The following DMD variants were observed in gnomAD, a reference collection of about 807,000 sequenced individuals.
DMD encodes mutant dystrophin.
Under a neutral mutation model 330.1 loss-of-function variants are expected in DMD, and 63 were observed. The observed-to-expected ratio is 0.19, with a 90% CI of 0.16 to 0.24. The LOEUF is 0.24. DMD is among the 10% of genes least tolerant of loss of function. The pLI, the probability that DMD is intolerant of heterozygous loss-of-function variation, is 1.00. For missense variants in DMD, 3,344 were observed against 2,684.1 expected, an observed-to-expected ratio of 1.25 and a Z score of -5.43; for synonymous variants, 1,223 against 959.8, an observed-to-expected ratio of 1.27 and a Z score of -5.07.
In DMD at chrX:31,464,550, G is replaced by A. The variant is rs141094238; in HGVS notation, c.8937+13556C>T. Reference sequence around the variant, plus strand: ...TTTCATAACAGTCAAAAAAGGAAGCGTTTTGAATGCCATCAACTCATTTCC... The same window carrying A: ...TTTCATAACAGTCAAAAAAGGAAGCATTTTGAATGCCATCAACTCATTTCC... On this transcript the variant is annotated intron_variant, in intron 59 of 78. Coordinates refer to ENST00000357033, the MANE Select transcript of DMD (RefSeq NM_004006.3). 1.9e-3 allele frequency among the ~76,000 whole-genome samples: 216 copies of A among 112,255 alleles called. 1 individual carries two copies. The highest frequency in any genetic ancestry group is 1.7e-3 in the Non-Finnish European group (89 of 53,204).
chrX:33,308,806 T>A (rs942037826), intron 1 of DMD, among the ~76,000 whole-genome samples: 1 of 112,097 alleles, frequency 8.9e-6, no homozygotes, highest in Non-Finnish European at 1.9e-5. Flanking sequence ...ACTGCAAGAC[T>A]ATCACATGTA....
chrX:32,537,815 C>T, intron 17 of DMD, among the ~76,000 whole-genome samples: 1 of 112,414 alleles, frequency 8.9e-6, no homozygotes, highest in Non-Finnish European at 1.9e-5. Context: ...TATGTAACAG[C>T]TCTGGGAATG....
intron 29 of DMD, among the ~76,000 whole-genome samples, chrX:32,416,523 T>G (rs1005254870): frequency 8.9e-6 from 1 of 111,977 alleles, no homozygotes; most frequent in Non-Finnish European, 1.9e-5. Context: ...ATGAGTGATT[T>G]TAGTAGTAAA....
intron 11 of DMD, among the ~76,000 whole-genome samples, chrX:32,643,860 A>G (rs1465861870): frequency 8.9e-6 from 1 of 111,957 alleles, no homozygotes; most frequent in Non-Finnish European, 1.9e-5. Context: ...TTGGAGGAAA[A>G]CCTAGAAAAT....
rs1569220076 is a variant in DMD at position 31,679,285 on chromosome X, T to C, written c.7872+90A>G. On this transcript the variant is annotated intron_variant, in intron 53 of 78. Transcript: ENST00000357033. ...TAACGTGATTTTCTGTTAATAACTT[T>C]ACATTAAACATCATTAAATTACAAT... 5 of 818,512 alleles carry C rather than the reference T, an allele frequency of 6.1e-6. No homozygotes were observed. The Admixed American group carries it at 1.4e-4, about 22-fold the overall frequency. 67.5% of individuals were successfully genotyped at this position (818,512 alleles called of 1,213,427 possible). A position where few individuals can be genotyped will look rare whatever the true frequency, so the allele number is the denominator to read the frequency against.
chrX:31,313,187 CTTTGT>C (rs1386636123), intron 62 of DMD, among the ~76,000 whole-genome samples: 1 of 105,601 alleles, frequency 9.5e-6, no homozygotes, highest in Non-Finnish European at 1.9e-5. Context: ...AAAAGAAATA[CTTTGT>C]TTTCTCAGCC....
chrX:31,563,980 C>T (rs191003126), intron 55 of DMD, among the ~76,000 whole-genome samples: 2 of 111,110 alleles, frequency 1.8e-5, no homozygotes, highest in East Asian at 5.6e-4. Flanking sequence ...GGGCCTGAGT[C>T]CAATATGACT....
At chrX:31,341,878 TGCGTGCGCGC>T (rs1395603984) in intron 61 of DMD, among the ~76,000 whole-genome samples, 4 of 67,994 alleles carry the variant, frequency 5.9e-5, no homozygotes, top group African/African-American at 2.6e-4. Context: ...CGTGCGCGCG[TGCGTGCGCGC>T]GCGCACACAC....
chrX:32,314,835 G>A lies in DMD; in HGVS notation c.5923-4559C>T, dbSNP rs375468380. Among the ~76,000 whole-genome samples, 3 of 111,679 alleles carry A rather than the reference G, an allele frequency of 2.7e-5. No individual in the cohort carries two copies. The East Asian group carries it at 8.5e-4, about 32-fold the overall frequency. ...GAGAAATGCAAGTCAAAACCACAAC[G>A]AGATAGCATCTCACACCAGTTAGAA... is the stretch of plus-strand genomic sequence containing the variant. On this transcript the variant is annotated intron_variant, in intron 41 of 78. Transcript: ENST00000357033.
intron 73 of DMD, among the ~76,000 whole-genome samples, chrX:31,171,546 C>T (rs189121106): frequency 5.4e-5 from 6 of 111,658 alleles, no homozygotes; most frequent in African/African-American, 1.9e-4. Flanking sequence ...GTTATTTATT[C>T]ACTTGGCAAA....
intron 62 of DMD, among the ~76,000 whole-genome samples, chrX:31,316,266 T>C: frequency 8.9e-6 from 1 of 112,280 alleles, no homozygotes; most frequent in Non-Finnish European, 1.9e-5. Flanking sequence ...AAATCTAAAT[T>C]GACACACAAA....
intron 1 of DMD, among the ~76,000 whole-genome samples, chrX:33,265,324 A>C (rs1006434363): frequency 7.2e-5 from 8 of 111,137 alleles, no homozygotes; most frequent in Admixed American, 3.8e-4. Flanking sequence ...CCAAAAGTCA[A>C]AAGATGCCAT....
chrX:32,467,043 C>A (rs1382546961), intron 23 of DMD, among the ~76,000 whole-genome samples: 2 of 112,003 alleles, frequency 1.8e-5, no homozygotes, highest in African/African-American at 6.5e-5. Flanking sequence ...TCTTAGGCCA[C>A]TGGTCTTGAC....
intron 54 of DMD, among the ~76,000 whole-genome samples, chrX:31,654,376 C>T (rs964335004): frequency 8.9e-6 from 1 of 111,893 alleles, no homozygotes; most frequent in Non-Finnish European, 1.9e-5. Context: ...AAACTTTCCA[C>T]AGAATCCCTC....
chrX:32,182,663 T>C (rs2096931366), intron 44 of DMD, among the ~76,000 whole-genome samples: 3 of 112,039 alleles, frequency 2.7e-5, no homozygotes, highest in South Asian at 3.7e-4. Context: ...TAACAGTGTC[T>C]AACACATTTT....
At chrX:33,262,685 T>C (rs189287679) in intron 1 of DMD, among the ~76,000 whole-genome samples, 59 of 110,833 alleles carry the variant, frequency 5.3e-4, no homozygotes, top group African/African-American at 1.8e-3. Flanking sequence ...TACAGGTGAA[T>C]AGAGAAAAGG....
At chrX:33,066,696 C>T (rs965405615) in intron 1 of DMD, among the ~76,000 whole-genome samples, 1 of 110,325 alleles carries the variant, frequency 9.1e-6, no homozygotes, top group Non-Finnish European at 1.9e-5. Flanking sequence ...TAAAGTTCTG[C>T]CAGGTTTATG....
At position 32,964,255 on chromosome X, in the gene DMD, C is replaced by CAAAAAAAAAAAA. The variant is rs781702491; in HGVS notation, c.93+55872_93+55883dup. Among the ~76,000 whole-genome samples the CAAAAAAAAAAAA allele has an allele frequency of 4.9e-3, 174 of 35,160 alleles. 8 individuals are homozygous for CAAAAAAAAAAAA. The highest frequency in any genetic ancestry group is 0.018 in the East Asian group (17 of 969). The allele number at this position is 35,160 out of a possible 115,157, so 30.5% of individuals were successfully genotyped here. A position where few individuals can be genotyped will look rare whatever the true frequency, so the allele number is the denominator to read the frequency against. On this transcript the variant is annotated intron_variant, in intron 2 of 78. Coordinates refer to ENST00000357033, the MANE Select transcript of DMD (RefSeq NM_004006.3). The stretch of plus-strand genomic sequence containing the variant: ...CTGGTGACAGAGCAAGACTCCATCT[C>CAAAAAAAAAAAA]AAAAAAAAAAAAAAAAAAAATTCAC...
intron 1 of DMD, among the ~76,000 whole-genome samples, chrX:33,189,498 T>G (rs998615987): frequency 9.0e-6 from 1 of 111,221 alleles, no homozygotes; most frequent in African/African-American, 3.3e-5. Flanking sequence ...CAATGGAGAT[T>G]GGTGAGAGGG....
Sources: gnomAD v4.1 joint callset for allele counts (sites outside exome capture counted in the v4.1 genomes callset) on GRCh38, gnomAD v4.1.1 for gene constraint, MANE v1.5 for transcripts, NCBI Gene and HGNC (gene_info 2026-07-23, HGNC 2026-07-21) for gene names.